The following CTDSPL2 variants were observed in gnomAD, a reference collection of about 807,000 sequenced individuals.
CTDSPL2 encodes the protein CTD small phosphatase like 2.
Under a neutral mutation model 60.0 loss-of-function variants are expected in CTDSPL2, and 5 were observed. That is an observed-to-expected ratio of 0.08 (90% CI 0.04 to 0.18). CTDSPL2 has a LOEUF of 0.18. CTDSPL2 is among the 10% of genes least tolerant of loss of function. The pLI, the probability that CTDSPL2 is intolerant of heterozygous loss-of-function variation, is 1.00. For missense variants in CTDSPL2, 370 were observed against 548.8 expected, an observed-to-expected ratio of 0.67 and a Z score of 3.26; for synonymous variants, 186 against 189.3, an observed-to-expected ratio of 0.98 and a Z score of 0.14.
intron 8 of CTDSPL2, among the ~76,000 whole-genome samples, chr15:44,508,105 CAG>C (rs2081502732): frequency 6.7e-6 from 1 of 148,414 alleles, no homozygotes; most frequent in Non-Finnish European, 1.5e-5. Context: ...TTTTTGGAGA[CAG>C]GGTTTCATTC....
At chr15:44,461,180 TTA>T (rs1364780329) in intron 2 of CTDSPL2, among the ~76,000 whole-genome samples, 1 of 152,198 alleles carries the variant, frequency 6.6e-6, no homozygotes, top group African/African-American at 2.4e-5. Context: ...TAGGTTTTTG[TTA>T]TGTCTTCAGA....
At chr15:44,474,469 A>G (rs1317697949) in intron 2 of CTDSPL2, among the ~76,000 whole-genome samples, 3 of 151,376 alleles carry the variant, frequency 2.0e-5, no homozygotes, top group Non-Finnish European at 4.4e-5. Context: ...CAGCTTGGGT[A>G]ACAAAGTGAG....
chr15:44,458,984 C>A lies in CTDSPL2; in HGVS notation c.-24-7C>A. 4 of 1,461,824 alleles carry A rather than the reference C, an allele frequency of 2.7e-6. No homozygotes were observed. The highest frequency in any genetic ancestry group is 3.6e-6 in the Non-Finnish European group (4 of 1,098,474). The allele number at this position is 1,461,824 out of a possible 1,614,324, so 90.6% of individuals were successfully genotyped here. ...TTTTTATTACATTTATTATTTTTCTCTTTTAGTTTTACATGTGGCACCCAT... is the reference window on the plus strand; with the variant it reads ...TTTTTATTACATTTATTATTTTTCTATTTTAGTTTTACATGTGGCACCCAT... On this transcript the variant is annotated splice_polypyrimidine_tract_variant and splice_region_variant and intron_variant, in intron 1 of 12. Transcript: ENST00000260327.
chr15:44,460,447 TATTATTGATTGTGTGTA>T (rs1394786527), intron 2 of CTDSPL2, among the ~76,000 whole-genome samples: 1 of 152,214 alleles, frequency 6.6e-6, no homozygotes, highest in Non-Finnish European at 1.5e-5. Context: ...CAATGTATAG[TATTATTGATTGTGTGTA>T]GTTTTTTTAT....
chr15:44,429,642 C>T (rs762826010), intron 1 of CTDSPL2, among the ~76,000 whole-genome samples: 3 of 152,084 alleles, frequency 2.0e-5, no homozygotes, highest in Admixed American at 6.6e-5. Flanking sequence ...CCAAGGCAGG[C>T]GGATCACAAG....
chr15:44,457,835 C>T (rs541176169), intron 1 of CTDSPL2, among the ~76,000 whole-genome samples: 377 of 152,354 alleles, frequency 2.5e-3, no homozygotes, highest in Non-Finnish European at 4.8e-3. Context: ...TAGTCTGGAA[C>T]TCCTGACTTC....
At chr15:44,523,117 C>T (rs555045460) in intron 12 of CTDSPL2, among the ~76,000 whole-genome samples, 1 of 152,254 alleles carries the variant, frequency 6.6e-6, no homozygotes, top group Admixed American at 6.5e-5. Context: ...GTGCCTCAGT[C>T]TTCCAAGTAG....
chr15:44,484,143 C>T (rs984700214), intron 2 of CTDSPL2, 81 bp from the exon 3 acceptor site: 14 of 1,220,898 alleles, frequency 1.1e-5, no homozygotes, highest in Non-Finnish European at 1.6e-5. Flanking sequence ...TATATTATAC[C>T]GTATTTTTTC....
At chr15:44,521,513 T>C in intron 12 of CTDSPL2, 107 bp downstream of exon 12, 1 of 587,170 alleles carries the variant, frequency 1.7e-6, no homozygotes, top group Non-Finnish European at 2.9e-6. Flanking sequence ...TAAAGTCAAC[T>C]GTGAGCCAGG....
At chr15:44,515,941 CTT>C (rs2081645277) in intron 10 of CTDSPL2, among the ~76,000 whole-genome samples, 1 of 149,046 alleles carries the variant, frequency 6.7e-6, no homozygotes, top group African/African-American at 2.5e-5. Context: ...CTCTTTCTTT[CTT>C]TCTTTCTCTC....
chr15:44,499,113 A>G (rs1448889786), intron 7 of CTDSPL2, among the ~76,000 whole-genome samples: 2 of 152,020 alleles, frequency 1.3e-5, no homozygotes, highest in Admixed American at 1.3e-4. Context: ...AAGGGCTTCT[A>G]AAAACAGACA....
intron 1 of CTDSPL2, among the ~76,000 whole-genome samples, chr15:44,429,795 G>C (rs963472115): frequency 2.0e-5 from 3 of 152,216 alleles, no homozygotes; most frequent in African/African-American, 7.2e-5. Flanking sequence ...GAACCCAGGA[G>C]GCGGAGGCTG....
In CTDSPL2 at chr15:44,528,195, T is replaced by G. The variant is rs2081901259; in HGVS notation, c.*4021T>G. 6.6e-6 allele frequency: 1 copy of G among 152,142 alleles called. No individual in the cohort carries two copies. 9.4% of individuals were successfully genotyped at this position (152,142 alleles called of 1,614,324 possible). On this transcript the variant is annotated 3_prime_UTR_variant, in exon 13 of 13. Transcript: ENST00000260327. ...ACAAGTTTATACTAGTTTATGCTTTTGATATTAGTATTTTAAGATACATCA... is the reference window on the plus strand; with the variant it reads ...ACAAGTTTATACTAGTTTATGCTTTGGATATTAGTATTTTAAGATACATCA...
chr15:44,490,796 C>T lies in CTDSPL2; in HGVS notation c.488C>T (p.Ser163Leu). 6.2e-7 allele frequency: 1 copy of T among 1,612,534 alleles called. No homozygotes were observed. Among genetic ancestry groups the T allele is most frequent in the Non-Finnish European group, 8.5e-7 (1 of 1,179,820 alleles). The change falls in exon 5 of 13, where the codon TCA (serine) becomes TTA (leucine). Residue 163 changes from serine to leucine, a missense_variant. Transcript: ENST00000260327. ...ATCATGATTTCAGGAACGTCAGGAT[C>T]AGATTCTCCAGGACAGGCTGTGGAA... The part of the protein sequence containing the change: ...SPANKNGTSG[S>L]DSPGQAVEAE...
At chr15:44,450,698 G>A (rs1477184411) in intron 1 of CTDSPL2, among the ~76,000 whole-genome samples, 1 of 149,304 alleles carries the variant, frequency 6.7e-6, no homozygotes, top group Non-Finnish European at 1.5e-5. Flanking sequence ...TGGGGTTCAG[G>A]TGATTCTCCT....
intron 1 of CTDSPL2, among the ~76,000 whole-genome samples, chr15:44,445,861 A>G (rs1468054806): frequency 2.0e-5 from 3 of 148,940 alleles, no homozygotes; most frequent in African/African-American, 7.4e-5. Context: ...CTGGTCTCGA[A>G]TGCCTGACTT....
At chr15:44,484,522 GCCAGGAATTTGAGA>G (rs1312162454) in intron 3 of CTDSPL2, among the ~76,000 whole-genome samples, 160 bp downstream of exon 3, 1 of 152,194 alleles carries the variant, frequency 6.6e-6, no homozygotes, top group Admixed American at 6.5e-5. Context: ...ATCATTTGAG[GCCAGGAATTTGAGA>G]CCAGCCTGGC....
chr15:44,473,542 G>T (rs1244335754), intron 2 of CTDSPL2, among the ~76,000 whole-genome samples: 2 of 150,616 alleles, frequency 1.3e-5, no homozygotes, highest in African/African-American at 4.9e-5. Context: ...TGATCCACCC[G>T]CCCCGGCCTC....
intron 2 of CTDSPL2, among the ~76,000 whole-genome samples, chr15:44,482,111 A>G (rs2081038381): frequency 6.6e-6 from 1 of 151,828 alleles, no homozygotes; most frequent in Admixed American, 6.6e-5. Context: ...TAGCTGCCTT[A>G]CCTGCGTAGG....
Sources: gnomAD v4.1 joint callset for allele counts (sites outside exome capture counted in the v4.1 genomes callset) on GRCh38, gnomAD v4.1.1 for gene constraint, MANE v1.5 for transcripts, NCBI Gene and HGNC (gene_info 2026-07-23, HGNC 2026-07-21) for gene names.